SALL3: variants seen among roughly 807,000 people sequenced by gnomAD.
SALL3 encodes the protein sal-like protein 3.
In SALL3, 25 loss-of-function variants were observed where a neutral mutation model predicts 66.2. The ratio of observed to expected loss-of-function variants is 0.38; its 90% confidence interval spans 0.28 to 0.53. SALL3 has a LOEUF of 0.53. SALL3 is among the 20% of genes least tolerant of loss of function. The pLI is 0.85. For synonymous variants in SALL3, 1,152 were observed against 899.1 expected, an observed-to-expected ratio of 1.28 and a Z score of -5.03; for missense variants, 2,194 against 1,916.5, an observed-to-expected ratio of 1.14 and a Z score of -2.70.
Position 78,992,654 on chromosome 18 carries a change from G to A in SALL3, c.663G>A (p.Gln221=). 1.3e-6 allele frequency: 2 copies of A among 1,546,562 alleles called. No homozygotes were observed. Among genetic ancestry groups the A allele is most frequent in the Non-Finnish European group, 1.7e-6 (2 of 1,152,232 alleles). The change falls in exon 2 of 3, where the codon CAG becomes CAA. Residue 221 remains glutamine, a synonymous_variant. Transcript: ENST00000537592. ...ALQQQQIHQL[Q]LIEQIRSQVA... is the part of the protein sequence containing the mutation. ...AGCAGCAGCAGATCCACCAGCTGCA[G>A]CTCATCGAGCAGATCCGCAGCCAGG...
At position 78,992,212 on chromosome 18, in the gene SALL3, C is replaced by G. The variant is rs200251281; in HGVS notation, c.221C>G (p.Thr74Ser). Reference protein sequence around the residue: ...ADFLEHQRSCTKLPPVLIVHE... With the variant: ...ADFLEHQRSCSKLPPVLIVHE... ...TTCCTGGAGCACCAGCGGAGCTGCA[C>G]CAAGCTCCCGCCCGTGCTGATCGTG... is the stretch of plus-strand genomic sequence containing the variant. The change falls in exon 2 of 3, where the codon ACC becomes AGC. Residue 74 changes from threonine to serine, a missense_variant. By Grantham distance (58) the Thr-to-Ser change is moderately conservative (BLOSUM62 1). Transcript: ENST00000537592. 1.7e-5 allele frequency: 27 copies of G among 1,609,478 alleles called. No individual in the cohort carries two copies. The East Asian group carries it at 5.6e-4, about 33-fold the overall frequency.
Position 78,993,941 on chromosome 18 carries a change from G to A in SALL3, c.1950G>A (p.Gly650=). Residue 650 remains glycine, a synonymous_variant, in exon 2 of 3, where the codon GGG becomes GGA. Coordinates refer to ENST00000537592, the MANE Select transcript of SALL3 (RefSeq NM_171999.4). ...SEQFKAQFPF[G]GLLDSMQTSE... ...AGTTCAAGGCCCAGTTTCCGTTCGG[G>A]GGGCTGCTAGACTCGATGCAAACGT... is the stretch of plus-strand genomic sequence containing the variant. 6.2e-7 allele frequency: 1 copy of A among 1,609,644 alleles called. No individual in the cohort carries two copies. Among genetic ancestry groups the A allele is most frequent in the Non-Finnish European group, 8.5e-7 (1 of 1,178,478 alleles).
intron 1 of SALL3, among the ~76,000 whole-genome samples, chr18:78,987,790 C>T (rs559459981): frequency 3.3e-5 from 5 of 152,204 alleles, no homozygotes; most frequent in African/African-American, 1.2e-4. Flanking sequence ...GAAGAGTGTT[C>T]GCTAAGTTCT....
chr18:78,997,750 A>G lies in SALL3; in HGVS notation c.*428A>G, dbSNP rs562035694. 1 of 186,854 alleles carries G rather than the reference A, an allele frequency of 5.4e-6. No individual in the cohort carries two copies. Among genetic ancestry groups the G allele is most frequent in the Non-Finnish European group, 1.1e-5 (1 of 89,278 alleles). 11.6% of individuals were successfully genotyped at this position (186,854 alleles called of 1,614,324 possible). ...ACTCTTCATGTTAAAGACGTGGTTT[A>G]GTACTCCCAATGCTGTGTATCATGA... is the stretch of plus-strand genomic sequence containing the variant. On this transcript the variant is annotated 3_prime_UTR_variant, in exon 3 of 3. Transcript: ENST00000537592.
In SALL3 at chr18:78,993,001, C is replaced by G. The variant is rs761747883; in HGVS notation, c.1010C>G (p.Pro337Arg). 6 of 1,485,232 alleles carry G rather than the reference C, an allele frequency of 4.0e-6. No homozygotes were observed. The highest frequency in any genetic ancestry group is 2.4e-4 in the Middle Eastern group (1 of 4,124). 92.0% of individuals were successfully genotyped at this position (1,485,232 alleles called of 1,614,324 possible). Residue 337 changes from proline (P) to arginine (R), a missense_variant, in exon 2 of 3, where the codon CCG becomes CGG. Pro to Arg is a moderately radical substitution (Grantham distance 103, BLOSUM62 -2). Transcript: ENST00000537592. Reference protein sequence around the residue: ...PAPQSAASSQPQSASTPPALA... With the variant: ...PAPQSAASSQRQSASTPPALA... ...CCGCAGAGCGCAGCCTCGTCGCAGCCGCAGAGCGCATCCACGCCGCCTGCC... is the reference window on the plus strand; with the variant it reads ...CCGCAGAGCGCAGCCTCGTCGCAGCGGCAGAGCGCATCCACGCCGCCTGCC...
At chr18:78,981,063 C>T (rs757485485) in intron 1 of SALL3, among the ~76,000 whole-genome samples, 13 of 152,340 alleles carry the variant, frequency 8.5e-5, no homozygotes, top group Admixed American at 4.6e-4. Flanking sequence ...TTTTTGGATC[C>T]GCCGAGGCCG....
Position 78,993,692 on chromosome 18 carries a change from C to T in SALL3, c.1701C>T (p.Ser567=), listed in dbSNP as rs778223308. ...SPASSECASL[S]PGLNHVESGV... Reference sequence around the variant, plus strand: ...CCTCCAGCGAGTGCGCCTCCTTGTCCCCAGGCCTCAACCACGTGGAGTCCG... The same window carrying T: ...CCTCCAGCGAGTGCGCCTCCTTGTCTCCAGGCCTCAACCACGTGGAGTCCG... The change falls in exon 2 of 3, where the codon TCC becomes TCT. Residue 567 remains serine, a synonymous_variant. Transcript: ENST00000537592. 3 of 1,579,350 alleles carry T rather than the reference C, an allele frequency of 1.9e-6. No individual in the cohort carries two copies. In the South Asian group the frequency reaches 3.4e-5, roughly 18 times the overall value.
intron 1 of SALL3, among the ~76,000 whole-genome samples, chr18:78,989,210 A>C (rs1405298165): frequency 1.3e-5 from 2 of 152,214 alleles, no homozygotes; most frequent in Non-Finnish European, 2.9e-5. Flanking sequence ...CAAACTTACC[A>C]ATGGGAAAAG....
rs181281708 is a variant in SALL3 at position 78,997,568 on chromosome 18, G to A, written c.*246G>A. 3.4e-4 allele frequency: 180 copies of A among 530,684 alleles called. No homozygotes were observed. Among genetic ancestry groups the A allele is most frequent in the African/African-American group, 2.5e-3 (135 of 53,114 alleles). 32.9% of individuals were successfully genotyped at this position (530,684 alleles called of 1,614,324 possible). A position where few individuals can be genotyped will look rare whatever the true frequency, so the allele number is the denominator to read the frequency against. The stretch of plus-strand genomic sequence containing the variant: ...CAAAAAAAAAAGTGCTTGGAAAACC[G>A]CCTTAGGAACAGAAAGAGCTCAGAC... On this transcript the variant is annotated 3_prime_UTR_variant, in exon 3 of 3. Transcript: ENST00000537592.
chr18:78,997,369 G>A lies in SALL3; in HGVS notation c.*47G>A, dbSNP rs368553325. On this transcript the variant is annotated 3_prime_UTR_variant, in exon 3 of 3. Coordinates refer to ENST00000537592, the MANE Select transcript of SALL3 (RefSeq NM_171999.4). ...CTGCCCAGGCCCACGTTTTGAAGTT[G>A]GAGCATCAGGCCTCCGACCTTTCTT... is the stretch of plus-strand genomic sequence containing the variant. 2 of 1,559,336 alleles carry A rather than the reference G, an allele frequency of 1.3e-6. No homozygotes were observed. Among genetic ancestry groups the A allele is most frequent in the African/African-American group, 2.7e-5 (2 of 73,882 alleles).
intron 1 of SALL3, among the ~76,000 whole-genome samples, chr18:78,986,623 T>C (rs1159294826): frequency 6.6e-6 from 1 of 152,194 alleles, no homozygotes; most frequent in African/African-American, 2.4e-5. Context: ...AAAAAAATGC[T>C]TTCTGGATTT....
At chr18:78,982,912 G>A (rs564658555) in intron 1 of SALL3, among the ~76,000 whole-genome samples, 1 of 152,260 alleles carries the variant, frequency 6.6e-6, no homozygotes, top group East Asian at 1.9e-4. Context: ...AAAATGTTTA[G>A]TATAATGGGG....
chr18:78,981,656 C>CT (rs754407921), intron 1 of SALL3, among the ~76,000 whole-genome samples: 5 of 152,240 alleles, frequency 3.3e-5, no homozygotes, highest in Non-Finnish European at 5.9e-5. Flanking sequence ...GTAAGGGAGT[C>CT]TTATCTGTGT....
rs201685558 is a variant in SALL3 at position 78,993,756 on chromosome 18, G to A, written c.1765G>A (p.Gly589Ser). The A allele has an allele frequency of 3.4e-4, 531 of 1,543,074 alleles. No individual in the cohort carries two copies. In the Middle Eastern group the frequency reaches 1.0e-2, roughly 29 times the overall value. The stretch of plus-strand genomic sequence containing the variant: ...CGCCGAGTCCCCACAGTCGCTCCTC[G>A]GCGGGCCGCCCCTCACTAAAGCCGA... ...ATAESPQSLL[G>S]GPPLTKAEPV... The change falls in exon 2 of 3, where the codon GGC (glycine) becomes AGC (serine). Residue 589 changes from glycine (G) to serine (S), a missense_variant. Gly to Ser is a moderately conservative substitution (Grantham distance 56). Coordinates refer to ENST00000537592, the MANE Select transcript of SALL3 (RefSeq NM_171999.4).
intron 1 of SALL3, 65 bp from the exon 2 acceptor site, chr18:78,992,009 G>C: frequency 7.6e-7 from 1 of 1,308,634 alleles, no homozygotes; most frequent in Non-Finnish European, 1.0e-6. Context: ...GATTTTACTC[G>C]TGCAAAATTT....
rs1275529443 is a variant in SALL3 at position 78,980,258 on chromosome 18, C to T, written c.-17C>T. ...TGATGCCGCTGCCCCGCGCGGGGCC[C>T]GAGCGCCGCTAGCAGCATGTCTCGG... On this transcript the variant is annotated 5_prime_UTR_variant, in exon 1 of 3. Coordinates refer to ENST00000537592, the MANE Select transcript of SALL3 (RefSeq NM_171999.4). 3 of 1,260,554 alleles carry T rather than the reference C, an allele frequency of 2.4e-6. No individual in the cohort carries two copies. Among genetic ancestry groups the T allele is most frequent in the Non-Finnish European group, 3.0e-6 (3 of 985,312 alleles). 78.1% of individuals were successfully genotyped at this position (1,260,554 alleles called of 1,614,324 possible). A position where few individuals can be genotyped will look rare whatever the true frequency, so the allele number is the denominator to read the frequency against.
chr18:78,993,681 G>A lies in SALL3; in HGVS notation c.1690G>A (p.Ala564Thr), dbSNP rs779215862. 1.6e-5 allele frequency: 26 copies of A among 1,585,340 alleles called. No homozygotes were observed. The South Asian group carries it at 2.0e-4, about 12-fold the overall frequency. ...GCCCTCGCCCGCCTCCAGCGAGTGC[G>A]CCTCCTTGTCCCCAGGCCTCAACCA... ...QRPSPASSEC[A>T]SLSPGLNHVE... Residue 564 changes from alanine to threonine, a missense_variant, in exon 2 of 3, where the codon GCC becomes ACC. Transcript: ENST00000537592.
Position 78,980,148 on chromosome 18 carries a change from C to T in SALL3, c.-127C>T. On this transcript the variant is annotated 5_prime_UTR_variant, in exon 1 of 3. Coordinates refer to ENST00000537592, the MANE Select transcript of SALL3 (RefSeq NM_171999.4). Reference sequence around the variant, plus strand: ...ACCAGCCTAATTGCTCAGCCCCATGCGCGGCCCGCGCAGCCGCCGCCGCCC... The same window carrying T: ...ACCAGCCTAATTGCTCAGCCCCATGTGCGGCCCGCGCAGCCGCCGCCGCCC... 5.9e-6 allele frequency: 1 copy of T among 170,296 alleles called. No individual in the cohort carries two copies. 10.5% of individuals were successfully genotyped at this position (170,296 alleles called of 1,614,324 possible). A position where few individuals can be genotyped will look rare whatever the true frequency, so the allele number is the denominator to read the frequency against.
At position 78,980,171 on chromosome 18, in the gene SALL3, C is replaced by T; in HGVS notation, c.-104C>T. 1 of 252,488 alleles carries T rather than the reference C, an allele frequency of 4.0e-6. No homozygotes were observed. Among genetic ancestry groups the T allele is most frequent in the Non-Finnish European group, 6.1e-6 (1 of 163,238 alleles). 15.6% of individuals were successfully genotyped at this position (252,488 alleles called of 1,614,324 possible). A position where few individuals can be genotyped will look rare whatever the true frequency, so the allele number is the denominator to read the frequency against. ...TGCGCGGCCCGCGCAGCCGCCGCCG[C>T]CCCGCGCCCCGCGCCGCGCGCCCGC... On this transcript the variant is annotated 5_prime_UTR_variant, in exon 1 of 3. Coordinates refer to ENST00000537592, the MANE Select transcript of SALL3 (RefSeq NM_171999.4).
Sources: allele counts gnomAD v4.1 joint callset (sites outside exome capture counted in the v4.1 genomes callset), GRCh38; gene constraint gnomAD v4.1.1; transcripts MANE v1.5; gene names NCBI Gene and HGNC (gene_info 2026-07-23, HGNC 2026-07-21).